The following TMEM63C variants were observed in gnomAD, a reference collection of about 807,000 sequenced individuals.
The protein encoded by TMEM63C is transmembrane protein 63C.
TMEM63C carries 32 observed loss-of-function variants against 99.2 expected under a neutral mutation model. The observed-to-expected ratio is 0.32, with a 90% CI of 0.24 to 0.43. TMEM63C has a LOEUF of 0.43. Among genes scored for constraint, TMEM63C ranks in the 20% least tolerant of loss-of-function variants. The probability of loss-of-function intolerance (pLI) is 1.00; values close to 1 mark genes in which losing one functional copy is unlikely to be tolerated. For missense variants in TMEM63C, 826 were observed against 1,053.0 expected (o/e 0.78, Z 2.98); for synonymous variants, 376 against 397.9 (o/e 0.94, Z 0.66).
intron 1 of TMEM63C, among the ~76,000 whole-genome samples, chr14:77,192,811 GA>G (rs1888132620): frequency 6.6e-6 from 1 of 151,810 alleles, no homozygotes; most frequent in African/African-American, 2.4e-5. Context: ...GGAAGAGGAA[GA>G]AGAAAAAGAA....
In TMEM63C at chr14:77,236,684, G is replaced by A. The variant is rs2140122755; in HGVS notation, c.603G>A (p.Met201Ile). The A allele has an allele frequency of 1.2e-6, 2 of 1,612,890 alleles. No individual in the cohort carries two copies. The highest frequency in any genetic ancestry group is 1.7e-6 in the Non-Finnish European group (2 of 1,179,396). The change falls in exon 9 of 24, where the codon ATG becomes ATA. Residue 201 changes from methionine (M) to isoleucine (I), a missense_variant. Physicochemically the swap from Met to Ile is conservative, Grantham distance 10 (BLOSUM62 1). Coordinates refer to ENST00000298351, the MANE Select transcript of TMEM63C (RefSeq NM_020431.4). ...TCTTCTACTTCATCACCAACTTCATGTTCATGGCTCATCACTGCCTGGGGT... is the reference window on the plus strand; with the variant it reads ...TCTTCTACTTCATCACCAACTTCATATTCATGGCTCATCACTGCCTGGGGT... Reference protein sequence around the residue: ...LSFFYFITNFMFMAHHCLGFA... With the variant: ...LSFFYFITNFIFMAHHCLGFA...
intron 5 of TMEM63C, among the ~76,000 whole-genome samples, chr14:77,223,996 G>A (rs1053425391): frequency 3.0e-4 from 46 of 151,964 alleles, no homozygotes; most frequent in African/African-American, 9.7e-4. Context: ...CCCTCCCTGG[G>A]GATGCTCCCC....
chr14:77,242,130 C>T (rs1369177220), intron 13 of TMEM63C, among the ~76,000 whole-genome samples: 1 of 152,208 alleles, frequency 6.6e-6, no homozygotes, highest in Admixed American at 6.5e-5. Context: ...GCAGTCTAGG[C>T]ACCCTCAAAT....
intron 3 of TMEM63C, 138 bp from the exon 4 acceptor site, chr14:77,219,360 C>T (rs1888648427): frequency 6.1e-6 from 5 of 819,894 alleles, no homozygotes; most frequent in Middle Eastern, 2.8e-4. Flanking sequence ...GCCCCTACTC[C>T]AACAGAGCTC....
intron 22 of TMEM63C, 27 bp from the exon 23 acceptor site, chr14:77,253,278 G>C (rs757684664): frequency 7.7e-5 from 124 of 1,607,652 alleles, no homozygotes; most frequent in Non-Finnish European, 9.6e-5. Flanking sequence ...CAGGCCTCCT[G>C]TAACCCACCA....
intron 6 of TMEM63C, among the ~76,000 whole-genome samples, chr14:77,230,056 G>T (rs977695819): frequency 6.6e-5 from 10 of 152,010 alleles, no homozygotes; most frequent in African/African-American, 2.2e-4. Context: ...CAAAAAATTA[G>T]CTGGGCGTGG....
chr14:77,185,140 G>A (rs2140085632), intron 1 of TMEM63C, among the ~76,000 whole-genome samples: 1 of 152,316 alleles, frequency 6.6e-6, no homozygotes, highest in Middle Eastern at 3.4e-3. Flanking sequence ...GCTAGGACTA[G>A]GACCCAAGTG....
At chr14:77,226,903 G>C (rs1460269641) in intron 6 of TMEM63C, among the ~76,000 whole-genome samples, 1 of 152,048 alleles carries the variant, frequency 6.6e-6, no homozygotes, top group African/African-American at 2.4e-5. Flanking sequence ...GAGTAGCTGG[G>C]ATTAGAGGCA....
chr14:77,196,065 C>G (rs946427011), intron 1 of TMEM63C: 1 of 152,862 alleles, frequency 6.5e-6, no homozygotes, highest in Non-Finnish European at 1.5e-5. Flanking sequence ...TGTCCCTGTG[C>G]TATAGAGCCT....
At position 77,251,785 on chromosome 14, in the gene TMEM63C, G is replaced by A. The variant is rs1411420008; in HGVS notation, c.2039-4G>A. The A allele has an allele frequency of 1.9e-6, 3 of 1,612,642 alleles. No individual in the cohort carries two copies. Among genetic ancestry groups the A allele is most frequent in the African/African-American group, 1.3e-5 (1 of 74,890 alleles). ...TGCCCATGACTTTTTCTCCTCCTCG[G>A]CAGGTTCTCTCCACGCCATCACCAT... is the stretch of plus-strand genomic sequence containing the variant. On this transcript the variant is annotated splice_polypyrimidine_tract_variant and splice_region_variant and intron_variant, in intron 21 of 23. Coordinates refer to ENST00000298351, the MANE Select transcript of TMEM63C (RefSeq NM_020431.4).
intron 5 of TMEM63C, among the ~76,000 whole-genome samples, chr14:77,221,716 A>G (rs1448370051): frequency 6.9e-6 from 1 of 144,132 alleles, no homozygotes; most frequent in Non-Finnish European, 1.5e-5. Flanking sequence ...AACCTCCTCA[A>G]ATGTGAGCTC....
rs766165808 is a variant in TMEM63C at position 77,194,370 on chromosome 14, GTGTGTGTGTGTGTA to G, written c.-77+12480_-77+12493del. Among the ~76,000 whole-genome samples, 291 of 128,968 alleles carry G rather than the reference GTGTGTGTGTGTGTA, an allele frequency of 2.3e-3. 2 individuals are homozygous for G. The highest frequency in any genetic ancestry group is 4.1e-3 in the Admixed American group (50 of 12,220). The allele number at this position is 128,968 out of a possible 152,430, so 84.6% of individuals were successfully genotyped here. A position where few individuals can be genotyped will look rare whatever the true frequency, so the allele number is the denominator to read the frequency against. ...TGTGTGTGTGTGTGTGTGTGTGTGT[GTGTGTGTGTGTGTA>G]TGTTCATATTTCTGAAAAAAATTCT... On this transcript the variant is annotated intron_variant, in intron 1 of 23. Transcript: ENST00000298351.
chr14:77,230,029 G>A lies in TMEM63C; in HGVS notation c.351-1559G>A, dbSNP rs192963216. ...ATCCTGGTCAACATGGTGAAACCCC[G>A]TCTCTACTAAAAAATACAAAAAATT... On this transcript the variant is annotated intron_variant, in intron 6 of 23. Transcript: ENST00000298351. 1.5e-4 allele frequency among the ~76,000 whole-genome samples: 23 copies of A among 151,876 alleles called. No individual in the cohort carries two copies. In the East Asian group the frequency reaches 2.9e-3, roughly 19 times the overall value.
intron 13 of TMEM63C, 30 bp from the exon 14 acceptor site, chr14:77,242,317 A>ACCCCC: frequency 7.2e-7 from 1 of 1,396,238 alleles, no homozygotes; most frequent in South Asian, 1.2e-5. Flanking sequence ...CCCCAGACCC[A>ACCCCC]CATTTCTTCC....
intron 10 of TMEM63C, 133 bp downstream of exon 10, chr14:77,238,900 CTCAGGATCAGCTTT>C (rs1365643875): frequency 1.5e-6 from 1 of 676,432 alleles, no homozygotes; most frequent in Non-Finnish European, 2.6e-6. Flanking sequence ...CTGGACTCAG[CTCAGGATCAGCTTT>C]TTAGAATGGG....
intron 1 of TMEM63C, among the ~76,000 whole-genome samples, chr14:77,193,624 T>C (rs949919838): frequency 4.6e-5 from 7 of 152,124 alleles, no homozygotes; most frequent in Non-Finnish European, 1.0e-4. Context: ...CACCTGAGGT[T>C]GGGAGTTTGA....
intron 22 of TMEM63C, among the ~76,000 whole-genome samples, 158 bp downstream of exon 22, chr14:77,252,056 A>ATGCATGCGTGCATGCCTTGCG (rs1212884385): frequency 3.1e-4 from 44 of 141,348 alleles, no homozygotes; most frequent in South Asian, 8.8e-4. Context: ...GCATGCGTGC[A>ATGCATGCGTGCATGCCTTGCG]TGCATGCGTG....
intron 23 of TMEM63C, among the ~76,000 whole-genome samples, chr14:77,254,333 A>G (rs1438540326): frequency 2.6e-5 from 4 of 152,116 alleles, no homozygotes; most frequent in Admixed American, 6.6e-5. Flanking sequence ...AGCACAGACA[A>G]AACACCAGCA....
chr14:77,205,604 G>C (rs1316976580), intron 1 of TMEM63C, among the ~76,000 whole-genome samples: 1 of 152,232 alleles, frequency 6.6e-6, no homozygotes, highest in Admixed American at 6.5e-5. Context: ...ATTCCCGTTG[G>C]GGGAGGATCA....
Sources: gnomAD v4.1 joint callset for allele counts (sites outside exome capture counted in the v4.1 genomes callset) on GRCh38, gnomAD v4.1.1 for gene constraint, MANE v1.5 for transcripts, NCBI Gene and HGNC (gene_info 2026-07-23, HGNC 2026-07-21) for gene names.